Variants in NRG1 observed in about 807,000 individuals in gnomAD.
NRG1 encodes the protein pro-neuregulin-1, membrane-bound isoform.
In NRG1, 18 loss-of-function variants were observed where a neutral mutation model predicts 63.8. That is an observed-to-expected ratio of 0.28 (90% CI 0.19 to 0.42). The LOEUF (loss-of-function observed/expected upper bound fraction) is 0.42. NRG1 is among the 10% of genes least tolerant of loss of function. The pLI is 1.00. For missense variants in NRG1, 762 were observed against 814.7 expected (o/e 0.94, Z 0.79); for synonymous variants, 302 against 301.3 (o/e 1.00, Z -0.02).
intron 1 of NRG1, among the ~76,000 whole-genome samples, chr8:32,198,264 G>T (rs1269003315): frequency 6.6e-6 from 1 of 152,022 alleles, no homozygotes; most frequent in African/African-American, 2.4e-5. Flanking sequence ...TGCAACCTCT[G>T]CCTCCTGGGT....
intron 1 of NRG1, among the ~76,000 whole-genome samples, chr8:32,160,039 G>C (rs1216005890): frequency 6.6e-6 from 1 of 151,912 alleles, no homozygotes; most frequent in Non-Finnish European, 1.5e-5. Context: ...AGGAAGAGAG[G>C]GTTTCTTCCC....
At chr8:31,724,840 A>G (rs1442260885) in intron 1 of NRG1, among the ~76,000 whole-genome samples, 1 of 152,152 alleles carries the variant, frequency 6.6e-6, no homozygotes, top group Non-Finnish European at 1.5e-5. Context: ...TGTAAATTAC[A>G]GCATTCTAGG....
At chr8:31,860,285 C>T (rs550736914) in intron 1 of NRG1, among the ~76,000 whole-genome samples, 6 of 152,202 alleles carry the variant, frequency 3.9e-5, no homozygotes, top group East Asian at 1.9e-4. Flanking sequence ...GTCTAAAGTA[C>T]GTGTATGATG....
intron 1 of NRG1, among the ~76,000 whole-genome samples, chr8:32,566,559 T>C (rs1312890764): frequency 1.3e-5 from 2 of 152,108 alleles, no homozygotes; most frequent in Admixed American, 6.5e-5. Context: ...AGTAGTTGCT[T>C]TGTCCAGGTA....
chr8:31,640,420 GC>G lies in NRG1; in HGVS notation c.37+993del. On this transcript the variant is annotated intron_variant, in intron 1 of 10. Transcript: ENST00000519301. This position sits in a 1 kb window ranked among gnomAD's most constrained non-coding sequence, Gnocchi z 6.3. The stretch of plus-strand genomic sequence containing the variant: ...CGGGACCGTGCCCTCTTGGCCCACC[GC>G]CCCGGTGCCCAGCGCCGGCGAGCCC... 2 of 1,492,382 alleles carry G rather than the reference GC, an allele frequency of 1.3e-6. No homozygotes were observed. Among genetic ancestry groups the G allele is most frequent in the South Asian group, 1.3e-5 (1 of 78,090 alleles). The allele number at this position is 1,492,382 out of a possible 1,614,324, so 92.4% of individuals were successfully genotyped here.
chr8:32,460,993 T>C (rs1392298632), intron 1 of NRG1, among the ~76,000 whole-genome samples: 1 of 152,172 alleles, frequency 6.6e-6, no homozygotes. Flanking sequence ...CATATATATG[T>C]ATAAAATTAT....
chr8:31,817,994 G>T (rs986190832), intron 1 of NRG1, among the ~76,000 whole-genome samples: 6 of 152,078 alleles, frequency 3.9e-5, no homozygotes, highest in Non-Finnish European at 4.4e-5. Context: ...AAACAGTTTT[G>T]AGTGATAAAG....
chr8:31,686,476 T>C (rs930203743), intron 1 of NRG1, among the ~76,000 whole-genome samples: 1 of 152,186 alleles, frequency 6.6e-6, no homozygotes, highest in African/African-American at 2.4e-5. Context: ...TGGTAGTTTT[T>C]TTTCTTTTAA....
intron 1 of NRG1, among the ~76,000 whole-genome samples, chr8:32,454,177 G>A (rs1025967232): frequency 3.3e-5 from 5 of 152,174 alleles, no homozygotes; most frequent in African/African-American, 1.2e-4. Flanking sequence ...CAGAATTGTG[G>A]AGGAATTCTG....
chr8:32,351,608 T>A (rs1805613423), intron 1 of NRG1, among the ~76,000 whole-genome samples: 1 of 152,126 alleles, frequency 6.6e-6, no homozygotes, highest in South Asian at 2.1e-4. Context: ...GTGTGTGCCT[T>A]CCAGCGTCCA....
rs775083466 is a variant in NRG1, at chr8:32,183,538, G to A, written c.38-412290G>A. Among the ~76,000 whole-genome samples, 4 of 152,162 alleles carry A rather than the reference G, an allele frequency of 2.6e-5. No homozygotes were observed. The East Asian group carries it at 5.8e-4, about 22-fold the overall frequency. On this transcript the variant is annotated intron_variant, in intron 1 of 10. Coordinates refer to the NRG1 transcript ENST00000519301. The stretch of plus-strand genomic sequence containing the variant: ...CGCATGTAAATTTCAACAAGTGAAC[G>A]TTCAGCATTGTCTCTGGGGCCTCCC...
At chr8:31,984,785 C>A (rs1809764566) in intron 1 of NRG1, among the ~76,000 whole-genome samples, 1 of 152,128 alleles carries the variant, frequency 6.6e-6, no homozygotes, top group Non-Finnish European at 1.5e-5. Flanking sequence ...CACATTGCCC[C>A]TGTGTACCTT....
At chr8:32,548,605 C>G in exon 1 of NRG1, 18 of 1,383,878 alleles carry the variant, frequency 1.3e-5, no homozygotes, top group South Asian at 1.6e-5. Context: ...GCGCGAGCGC[C>G]TCAGCGCGGC....
intron 1 of NRG1, among the ~76,000 whole-genome samples, chr8:32,183,214 C>T (rs1171351896): frequency 6.6e-6 from 1 of 152,054 alleles, no homozygotes; most frequent in Non-Finnish European, 1.5e-5. Context: ...AAGACTAGCC[C>T]TTTATTAGAA....
intron 1 of NRG1, among the ~76,000 whole-genome samples, chr8:32,533,582 A>G (rs754521561): frequency 9.2e-5 from 14 of 152,216 alleles, no homozygotes; most frequent in South Asian, 4.1e-4. Context: ...TCCAAAATTA[A>G]TTGTCCTAAA....
At chr8:31,953,788 G>A (rs534144087) in intron 1 of NRG1, among the ~76,000 whole-genome samples, 5 of 152,216 alleles carry the variant, frequency 3.3e-5, no homozygotes, top group Admixed American at 2.0e-4. Context: ...TAAGCACGGG[G>A]GCTTTAACTT....
chr8:32,434,899 G>A (rs1019939163), intron 1 of NRG1, among the ~76,000 whole-genome samples: 1 of 152,140 alleles, frequency 6.6e-6, no homozygotes, highest in African/African-American at 2.4e-5. Flanking sequence ...TAAAGTATAT[G>A]GAAGGATGTG....
chr8:32,501,488 C>T (rs1175516763), intron 1 of NRG1, among the ~76,000 whole-genome samples: 1 of 152,146 alleles, frequency 6.6e-6, no homozygotes, highest in Non-Finnish European at 1.5e-5. Flanking sequence ...TTTCCAGGGG[C>T]CCTCTGGGAA....
At chr8:32,065,035 A>G (rs1358337061) in intron 1 of NRG1, among the ~76,000 whole-genome samples, 3 of 152,058 alleles carry the variant, frequency 2.0e-5, no homozygotes, top group Non-Finnish European at 4.4e-5. Flanking sequence ...GACTTGCTTT[A>G]TTAATATATG....
Sources: allele counts gnomAD v4.1 joint callset (sites outside exome capture counted in the v4.1 genomes callset), GRCh38; gene constraint gnomAD v4.1.1; non-coding constraint Gnocchi (gnomAD v3.1); transcripts MANE v1.5; gene names NCBI Gene and HGNC (gene_info 2026-07-23, HGNC 2026-07-21).